Variants in KALRN observed in about 807,000 individuals in gnomAD.
KALRN encodes kalirin.
KALRN carries 70 observed loss-of-function variants against 353.7 expected under a neutral mutation model. The ratio of observed to expected loss-of-function variants is 0.20; its 90% CI spans 0.16 to 0.24. KALRN has a LOEUF of 0.24. Among genes scored for constraint, KALRN ranks in the 10% least tolerant of loss-of-function variants. KALRN has a pLI of 1.00. For synonymous variants in KALRN, 1,391 were observed against 1,434.8 expected (o/e 0.97, Z 0.69); for missense variants, 2,791 against 3,756.7 (o/e 0.74, Z 6.72).
chr3:124,124,461 G>A (rs1173418654), intron 1 of KALRN, among the ~76,000 whole-genome samples: 1 of 152,216 alleles, frequency 6.6e-6, no homozygotes, highest in African/African-American at 2.4e-5. Context: ...TGTGAACATT[G>A]TTGAAATGAC....
At chr3:124,232,290 C>T (rs13066449) in intron 2 of KALRN, among the ~76,000 whole-genome samples, 43,065 of 152,102 alleles carry the variant, frequency 0.28, 7,590 homozygotes, top group Non-Finnish European at 0.4. Context: ...ATGTCCTACC[C>T]AGTCCTACTG....
chr3:124,383,473 G>C (rs552863740), intron 10 of KALRN, among the ~76,000 whole-genome samples: 1 of 152,302 alleles, frequency 6.6e-6, no homozygotes, highest in Non-Finnish European at 1.5e-5. Context: ...ACTTTTAGTA[G>C]TTTTCTGGCA....
intron 33 of KALRN, among the ~76,000 whole-genome samples, chr3:124,508,454 T>C (rs1031943757): frequency 9.9e-5 from 15 of 152,250 alleles, no homozygotes; most frequent in African/African-American, 3.6e-4. Flanking sequence ...GTCTCACTTC[T>C]GTTGCTCAAC....
At chr3:124,487,507 A>C (rs939490237) in intron 28 of KALRN, among the ~76,000 whole-genome samples, 1 of 152,202 alleles carries the variant, frequency 6.6e-6, no homozygotes, top group Admixed American at 6.5e-5. Context: ...AGGCCCCTGC[A>C]TAGCCTCCAC....
At chr3:124,309,309 A>T (rs2149289761) in intron 6 of KALRN, among the ~76,000 whole-genome samples, 1 of 152,238 alleles carries the variant, frequency 6.6e-6, no homozygotes, top group Middle Eastern at 3.4e-3. Context: ...TTACCCTGAT[A>T]CCAAATCCAG....
chr3:124,447,402 C>G (rs2093876042), intron 21 of KALRN, among the ~76,000 whole-genome samples: 1 of 152,110 alleles, frequency 6.6e-6, no homozygotes, highest in Admixed American at 6.5e-5. Flanking sequence ...CTCTGGGGAG[C>G]AAAATGTGCA....
Position 124,660,968 on chromosome 3 carries a change from A to G in KALRN, c.6262A>G (p.Ile2088Val). 1.2e-6 allele frequency: 2 copies of G among 1,606,964 alleles called. No homozygotes were observed. Among genetic ancestry groups the G allele is most frequent in the Middle Eastern group, 3.3e-4 (2 of 6,044 alleles). ...GAAGGCTGGTTTGGAGTGTTCAGATATTGAGGTGAGTTTTCTGCTTGTAAT... is the reference window on the plus strand; with the variant it reads ...GAAGGCTGGTTTGGAGTGTTCAGATGTTGAGGTGAGTTTTCTGCTTGTAAT... ...SEKAGLECSD[I>V]EKAVELMCLV... Residue 2088 changes from isoleucine (I) to valine (V), a missense_variant, in exon 44 of 60, where the codon ATT becomes GTT. By Grantham distance (29) the Ile-to-Val change is conservative (BLOSUM62 3). This residue lies in a region of KALRN where 1,065 missense variants were observed against 1,156.4 expected (regional missense o/e 0.92). Transcript: ENST00000682506.
intron 9 of KALRN, among the ~76,000 whole-genome samples, chr3:124,337,840 A>G (rs1045564629): frequency 6.6e-6 from 1 of 152,206 alleles, no homozygotes; most frequent in Non-Finnish European, 1.5e-5. Context: ...TGGTCTATTC[A>G]GGGATTCAAC....
intron 25 of KALRN, among the ~76,000 whole-genome samples, chr3:124,466,074 GTGTC>G (rs1553989970): frequency 7.2e-6 from 1 of 138,898 alleles, no homozygotes; most frequent in Admixed American, 7.3e-5. Context: ...GTGTGTGTGT[GTGTC>G]TGTGATCTGT....
intron 1 of KALRN, among the ~76,000 whole-genome samples, chr3:124,218,451 C>T (rs535576178): frequency 3.0e-4 from 46 of 152,268 alleles, no homozygotes; most frequent in African/African-American, 1.1e-3. Context: ...TAATGTTCAA[C>T]AGTTGGATCA....
intron 51 of KALRN, among the ~76,000 whole-genome samples, chr3:124,688,395 C>T (rs950453305): frequency 3.3e-5 from 5 of 151,204 alleles, no homozygotes; most frequent in African/African-American, 7.3e-5. Context: ...ATTGAAAACA[C>T]GAAGGGTTAA....
Position 124,261,169 on chromosome 3 carries a change from C to G in KALRN, c.264-3329C>G, listed in dbSNP as rs368998574. Among the ~76,000 whole-genome samples, 4 of 151,704 alleles carry G rather than the reference C, an allele frequency of 2.6e-5. No individual in the cohort carries two copies. The South Asian group carries it at 8.3e-4, about 32-fold the overall frequency. ...CCTCCCAAAGTGCTGGGATTATATG[C>G]GTGAGCCAGCCTGAGCTTGGGTTTT... On this transcript the variant is annotated intron_variant, in intron 3 of 59. Transcript: ENST00000682506.
At chr3:124,678,566 T>A (rs934478484) in intron 50 of KALRN, 34 of 258,056 alleles carry the variant, frequency 1.3e-4, no homozygotes, top group Non-Finnish European at 5.3e-5. Context: ...GCAGATGTTT[T>A]ACAGCAAAAT....
At position 124,677,726 on chromosome 3, in the gene KALRN, T is replaced by C. The variant is rs574421387; in HGVS notation, c.7194-464T>C. The C allele has an allele frequency of 2.4e-4, 97 of 408,718 alleles. 4 individuals are homozygous for C. The highest frequency in any genetic ancestry group is 1.8e-3 in the South Asian group (95 of 53,844). The allele number at this position is 408,718 out of a possible 1,614,324, so 25.3% of individuals were successfully genotyped here. A position where few individuals can be genotyped will look rare whatever the true frequency, so the allele number is the denominator to read the frequency against. The stretch of plus-strand genomic sequence containing the variant: ...ACAAATCATGAGGTAGAACTCTCAA[T>C]GTCATCCTTTTAGGTCTTTCTGTCT... On this transcript the variant is annotated intron_variant, in intron 49 of 59. Coordinates refer to ENST00000682506, the MANE Select transcript of KALRN (RefSeq NM_001388419.1).
chr3:124,150,703 A>G (rs1332991854), intron 1 of KALRN, among the ~76,000 whole-genome samples: 1 of 152,226 alleles, frequency 6.6e-6, no homozygotes, highest in African/African-American at 2.4e-5. Flanking sequence ...TTTTCATGTT[A>G]TAAACTTTTC....
At chr3:124,677,750 CT>C (rs1243772296) in intron 49 of KALRN, 1 of 392,288 alleles carries the variant, frequency 2.5e-6, no homozygotes, top group Non-Finnish European at 5.0e-6. Context: ...GTCTTTCTGT[CT>C]GGTCCTGGGA....
intron 11 of KALRN, among the ~76,000 whole-genome samples, chr3:124,393,720 ATTCCTATTTTG>A: frequency 6.6e-6 from 1 of 152,354 alleles, no homozygotes; most frequent in East Asian, 1.9e-4. Context: ...AAATCTTATT[ATTCCTATTTTG>A]TAGATAAGGA....
chr3:124,103,971 A>AG (rs1291306100), intron 1 of KALRN, among the ~76,000 whole-genome samples: 1 of 151,996 alleles, frequency 6.6e-6, no homozygotes, highest in Non-Finnish European at 1.5e-5. Flanking sequence ...AAAGAGAGAG[A>AG]GAAAAAAAAA....
intron 33 of KALRN, among the ~76,000 whole-genome samples, chr3:124,550,806 G>A (rs775559409): frequency 8.6e-5 from 13 of 152,042 alleles, no homozygotes; most frequent in Non-Finnish European, 1.8e-4. Context: ...TGGCTAACAC[G>A]GTGAAACCCC....
Sources: gnomAD v4.1 joint callset for allele counts (sites outside exome capture counted in the v4.1 genomes callset) on GRCh38, gnomAD v4.1.1 for gene constraint, gnomAD v4.1.1 regional missense constraint, MANE v1.5 for transcripts, NCBI Gene and HGNC (gene_info 2026-07-23, HGNC 2026-07-21) for gene names.